The following NPAS2 variants were observed in gnomAD, a reference collection of about 807,000 sequenced individuals.
NPAS2 encodes the protein neuronal PAS domain-containing protein 2.
In NPAS2, 23 loss-of-function variants were observed where a neutral mutation model predicts 107.5. The observed-to-expected ratio is 0.21, with a 90% CI of 0.15 to 0.30. NPAS2 has a LOEUF of 0.30. NPAS2 is among the 10% of genes least tolerant of loss of function. The pLI is 1.00. For synonymous variants in NPAS2, 403 were observed against 417.5 expected (o/e 0.97, Z 0.42); for missense variants, 756 against 1,043.3 (o/e 0.72, Z 3.79).
chr2:100,933,021 T>C lies in NPAS2; in HGVS notation c.273+20T>C, dbSNP rs777935070. The C allele has an allele frequency of 2.6e-6, 4 of 1,564,658 alleles. No homozygotes were observed. The South Asian group carries it at 3.3e-5, about 13-fold the overall frequency. ...TTGGAGGTGAAATGCACTTTCAAAATAGCTTAAACAGTTGCCAGTTAAAAT... is the reference window on the plus strand; with the variant it reads ...TTGGAGGTGAAATGCACTTTCAAAACAGCTTAAACAGTTGCCAGTTAAAAT... On this transcript the variant is annotated intron_variant, in intron 4 of 20. Transcript: ENST00000335681.
intron 3 of NPAS2, among the ~76,000 whole-genome samples, chr2:100,932,177 A>G (rs1032886553): frequency 6.6e-6 from 1 of 152,264 alleles, no homozygotes; most frequent in South Asian, 2.1e-4. Context: ...ACCTATAATT[A>G]TCTTATCAGA....
At chr2:100,825,759 A>C (rs1166260762) in intron 1 of NPAS2, among the ~76,000 whole-genome samples, 1 of 152,200 alleles carries the variant, frequency 6.6e-6, no homozygotes, top group Non-Finnish European at 1.5e-5. Context: ...TGCTCTCAAA[A>C]GAGACAAGGA....
intron 1 of NPAS2, chr2:100,878,018 T>C: frequency 1.0e-6 from 1 of 985,290 alleles, no homozygotes; most frequent in Non-Finnish European, 1.2e-6. Context: ...GTATAGCTAA[T>C]ACCAGAGTGC....
intron 3 of NPAS2, among the ~76,000 whole-genome samples, chr2:100,931,472 A>G (rs1683951198): frequency 1.4e-5 from 2 of 147,284 alleles, no homozygotes; most frequent in South Asian, 2.2e-4. Flanking sequence ...GGTGATGCGC[A>G]TAACTCAGCT....
intron 4 of NPAS2, 50 bp downstream of exon 4, chr2:100,933,051 C>A: frequency 7.3e-7 from 1 of 1,368,512 alleles, no homozygotes; most frequent in Non-Finnish European, 1.0e-6. Context: ...TAAAATGTAG[C>A]TACTTGTTGC....
chr2:100,977,971 T>A (rs1160632172), intron 15 of NPAS2, among the ~76,000 whole-genome samples, 172 bp downstream of exon 15: 2 of 151,992 alleles, frequency 1.3e-5, no homozygotes, highest in East Asian at 3.9e-4. Context: ...ACACCCACCC[T>A]CTCGTCTCCA....
intron 12 of NPAS2, among the ~76,000 whole-genome samples, chr2:100,973,036 G>A (rs6543002): frequency 0.03 from 4,629 of 152,182 alleles, 151 homozygotes; most frequent in South Asian, 0.15. Context: ...AAAATTAGCC[G>A]GGCATGGTGG....
Position 100,964,100 on chromosome 2 carries a change from G to C in NPAS2, c.641G>C (p.Arg214Thr), listed in dbSNP as rs941751064. ...AATGGTTTTGACAACACCCTTTCAA[G>C]ACCTTGCCGGGTGCCACTAGGAAAG... ...SCNGFDNTLS[R>T]PCRVPLGKEV... The change falls in exon 8 of 21, where the codon AGA becomes ACA. Residue 214 changes from arginine (R) to threonine (T), a missense_variant. Around this residue, in one of 4 missense-constraint regions of NPAS2, gnomAD observed 30 missense variants for 23.8 expected, o/e 1.26. Transcript: ENST00000335681. The C allele has an allele frequency of 6.2e-7, 1 of 1,614,090 alleles. No individual in the cohort carries two copies. The highest frequency in any genetic ancestry group is 8.5e-7 in the Non-Finnish European group (1 of 1,179,988).
intron 7 of NPAS2, among the ~76,000 whole-genome samples, chr2:100,956,622 A>G (rs1027487160): frequency 5.3e-5 from 8 of 152,214 alleles, no homozygotes; most frequent in Non-Finnish European, 1.2e-4. Flanking sequence ...AGTTGGTCCA[A>G]GACTGAGAGA....
At chr2:100,895,250 T>G (rs1681332091) in intron 1 of NPAS2, among the ~76,000 whole-genome samples, 2 of 152,216 alleles carry the variant, frequency 1.3e-5, no homozygotes. Context: ...TGATTAAAAT[T>G]CTGCAGCTAC....
chr2:100,969,575 A>C lies in NPAS2; in HGVS notation c.1055+1147A>C, dbSNP rs558715473. ...TGCATAGTATTCCATAAAATTAGAA[A>C]AACCTACTTGAAATTTCATATGCAT... On this transcript the variant is annotated intron_variant, in intron 11 of 20. Coordinates refer to ENST00000335681, the MANE Select transcript of NPAS2 (RefSeq NM_002518.4). 3.3e-5 allele frequency among the ~76,000 whole-genome samples: 5 copies of C among 151,762 alleles called. No homozygotes were observed. The South Asian group carries it at 1.0e-3, about 31-fold the overall frequency.
chr2:100,833,225 T>C (rs1676855363), intron 1 of NPAS2, among the ~76,000 whole-genome samples: 2 of 152,224 alleles, frequency 1.3e-5, no homozygotes, highest in South Asian at 4.1e-4. Flanking sequence ...ATATGGTCAC[T>C]GTGACCAAGT....
intron 1 of NPAS2, among the ~76,000 whole-genome samples, chr2:100,840,427 A>G (rs1677325943): frequency 6.6e-6 from 1 of 152,128 alleles, no homozygotes; most frequent in African/African-American, 2.4e-5. Context: ...GAAGGACAGG[A>G]AGCCTCTGCT....
At chr2:100,955,186 A>G (rs1305896640) in intron 7 of NPAS2, among the ~76,000 whole-genome samples, 1 of 151,964 alleles carries the variant, frequency 6.6e-6, no homozygotes, top group Non-Finnish European at 1.5e-5. Context: ...TATTTAGGAA[A>G]CCCACCTTGG....
intron 1 of NPAS2, among the ~76,000 whole-genome samples, chr2:100,888,874 T>TCGGGCCAGTGGGTGCC (rs1680875961): frequency 1.3e-5 from 2 of 152,130 alleles, no homozygotes; most frequent in Non-Finnish European, 2.9e-5. Context: ...GGAGGAGGAA[T>TCGGGCCAGTGGGTGCC]CGGGCCAGTG....
In NPAS2 at chr2:100,996,114, GTT is replaced by G; in HGVS notation, c.*539_*540del. ...AGAGGAAATAACTTAGGCACTTTCTGTTTTTTTTAAAAAAATAATAAGGTCTC... is the reference window on the plus strand; with the variant it reads ...AGAGGAAATAACTTAGGCACTTTCTGTTTTTTAAAAAAATAATAAGGTCTC... On this transcript the variant is annotated 3_prime_UTR_variant, in exon 21 of 21. Coordinates refer to ENST00000335681, the MANE Select transcript of NPAS2 (RefSeq NM_002518.4). 2 of 419,088 alleles carry G rather than the reference GTT, an allele frequency of 4.8e-6. No homozygotes were observed. The highest frequency in any genetic ancestry group is 7.2e-6 in the Non-Finnish European group (2 of 277,136). 26.0% of individuals were successfully genotyped at this position (419,088 alleles called of 1,614,324 possible). A position where few individuals can be genotyped will look rare whatever the true frequency, so the allele number is the denominator to read the frequency against.
intron 3 of NPAS2, among the ~76,000 whole-genome samples, chr2:100,932,600 T>A (rs888440401): frequency 1.3e-5 from 2 of 152,230 alleles, no homozygotes; most frequent in African/African-American, 4.8e-5. Context: ...GGTAACTACC[T>A]AATTCCAACT....
In NPAS2 at chr2:100,995,534, G is replaced by A; in HGVS notation, c.2427G>A (p.Arg809=). 1.2e-6 allele frequency: 2 copies of A among 1,612,302 alleles called. No individual in the cohort carries two copies. Among genetic ancestry groups the A allele is most frequent in the Non-Finnish European group, 1.7e-6 (2 of 1,179,380 alleles). ...CCCAGCCCCTACGTCCTCCCCGAAG[G>A]GTCAGCAGTCTGTCTGAGTCGTCAG... ...AQPQPLRPPR[R]VSSLSESSGL... The change falls in exon 21 of 21, where the codon AGG becomes AGA. Residue 809 remains arginine (R), a synonymous_variant. Transcript: ENST00000335681.
intron 1 of NPAS2, among the ~76,000 whole-genome samples, chr2:100,847,393 G>A (rs906053495): frequency 2.0e-5 from 3 of 150,868 alleles, no homozygotes; most frequent in African/African-American, 7.3e-5. Flanking sequence ...TTTTTGAGAC[G>A]GAGTCTCGCT....
Sources: gnomAD v4.1 joint callset for allele counts (sites outside exome capture counted in the v4.1 genomes callset) on GRCh38, gnomAD v4.1.1 for gene constraint, gnomAD v4.1.1 regional missense constraint, MANE v1.5 for transcripts, NCBI Gene and HGNC (gene_info 2026-07-23, HGNC 2026-07-21) for gene names.